The following CCSER1 variants were observed in gnomAD, a reference collection of about 807,000 sequenced individuals.
The protein encoded by CCSER1 is serine-rich coiled-coil domain-containing protein 1.
Under a neutral mutation model 82.0 loss-of-function variants are expected in CCSER1, and 41 were observed. The ratio of observed to expected loss-of-function variants is 0.50; its 90% CI spans 0.39 to 0.65. CCSER1 has a LOEUF of 0.65. Among genes scored for constraint, CCSER1 ranks in the 30% least tolerant of loss-of-function variants. The pLI, the probability that CCSER1 is intolerant of heterozygous loss-of-function variation, is 0.00. For synonymous variants in CCSER1, 414 were observed against 383.9 expected, an observed-to-expected ratio of 1.08 and a Z score of -0.92; for missense variants, 1,119 against 1,064.2, an observed-to-expected ratio of 1.05 and a Z score of -0.72.
At chr4:91,420,930 T>G (rs1753650082) in intron 10 of CCSER1, among the ~76,000 whole-genome samples, 1 of 152,168 alleles carries the variant, frequency 6.6e-6, no homozygotes, top group Admixed American at 6.5e-5. Flanking sequence ...TGGAGGGTAT[T>G]ATGCTAAGTG....
chr4:90,343,884 C>A (rs1302362040), intron 3 of CCSER1, among the ~76,000 whole-genome samples: 2 of 152,100 alleles, frequency 1.3e-5, no homozygotes, highest in East Asian at 3.9e-4. Context: ...CTTTGTGTTA[C>A]AAACCATCCA....
At chr4:90,164,238 C>T (rs1730019724) in intron 1 of CCSER1, among the ~76,000 whole-genome samples, 1 of 149,348 alleles carries the variant, frequency 6.7e-6, no homozygotes, top group South Asian at 2.1e-4. Flanking sequence ...ATAATAGCTA[C>T]AATTTCCTAC....
chr4:91,319,584 A>G (rs186726982), intron 10 of CCSER1: 1 of 445,176 alleles, frequency 2.2e-6, no homozygotes, highest in Non-Finnish European at 4.5e-6. Context: ...AATAAGTGTC[A>G]CAAAGAAGCA....
At chr4:90,276,806 C>T (rs1346297566) in intron 1 of CCSER1, among the ~76,000 whole-genome samples, 1 of 152,062 alleles carries the variant, frequency 6.6e-6, no homozygotes, top group Non-Finnish European at 1.5e-5. Flanking sequence ...GATATTTCAC[C>T]TCCTTGGTTA....
rs147805482 is a variant in CCSER1, at chr4:90,587,978, A to C, written c.1725-40047A>C. Among the ~76,000 whole-genome samples the C allele has an allele frequency of 1.8e-3, 279 of 152,356 alleles. 1 individual carries two copies. In the Middle Eastern group the frequency reaches 0.031, roughly 17 times the overall value. On this transcript the variant is annotated intron_variant, in intron 5 of 10. Coordinates refer to ENST00000509176, the MANE Select transcript of CCSER1 (RefSeq NM_001145065.2). The stretch of plus-strand genomic sequence containing the variant: ...TTCTTATAAAAGTTATGCTTATACT[A>C]TACCACAGTCTATTAAATGTGCGAT...
intron 8 of CCSER1, among the ~76,000 whole-genome samples, chr4:90,823,133 C>T (rs1158932005): frequency 3.9e-5 from 6 of 151,986 alleles, no homozygotes; most frequent in Non-Finnish European, 8.8e-5. Flanking sequence ...TAAAACATGT[C>T]GGTAATGAGA....
At chr4:91,355,890 T>C (rs1748795925) in intron 10 of CCSER1, among the ~76,000 whole-genome samples, 1 of 152,222 alleles carries the variant, frequency 6.6e-6, no homozygotes, top group African/African-American at 2.4e-5. Flanking sequence ...CTGGGCTCCC[T>C]GATACCAGGA....
chr4:91,467,957 A>T (rs1370162309), intron 10 of CCSER1, among the ~76,000 whole-genome samples: 3 of 152,192 alleles, frequency 2.0e-5, no homozygotes, highest in Non-Finnish European at 4.4e-5. Context: ...TTCCTCAGGG[A>T]TCTAGAACTA....
chr4:90,314,906 GTGCGATCTCGGTTCAC>G (rs1735915273), intron 3 of CCSER1, among the ~76,000 whole-genome samples: 1 of 133,858 alleles, frequency 7.5e-6, no homozygotes, highest in Non-Finnish European at 1.5e-5. Context: ...GAGTGCACTG[GTGCGATCTCGGTTCAC>G]TGCAACCTCT....
chr4:90,272,235 A>AT (rs1216019769), intron 1 of CCSER1, among the ~76,000 whole-genome samples: 30 of 152,050 alleles, frequency 2.0e-4, no homozygotes, highest in African/African-American at 7.0e-4. Flanking sequence ...TATTAATCTG[A>AT]TTTTTAAATG....
At chr4:91,553,803 A>G (rs1444503503) in intron 10 of CCSER1, among the ~76,000 whole-genome samples, 1 of 150,766 alleles carries the variant, frequency 6.6e-6, no homozygotes, top group Non-Finnish European at 1.5e-5. Context: ...TGATTTATAT[A>G]TCCACTCTTT....
At chr4:91,353,453 T>G (rs553030005) in intron 10 of CCSER1, among the ~76,000 whole-genome samples, 8 of 152,328 alleles carry the variant, frequency 5.3e-5, no homozygotes, top group African/African-American at 1.9e-4. Context: ...AACTACTGGG[T>G]TTAGGCCAGG....
At chr4:91,359,817 T>C (rs1749127024) in intron 10 of CCSER1, among the ~76,000 whole-genome samples, 1 of 151,826 alleles carries the variant, frequency 6.6e-6, no homozygotes, top group African/African-American at 2.4e-5. Flanking sequence ...GCAGTTGTCA[T>C]AGGAATACCA....
Position 91,145,858 on chromosome 4 carries a change from A to G in CCSER1, c.2217+59864A>G, listed in dbSNP as rs552518856. Among the ~76,000 whole-genome samples the G allele has an allele frequency of 1.1e-3, 165 of 152,100 alleles. 2 individuals carry two copies. Among genetic ancestry groups the G allele is most frequent in the African/African-American group, 3.7e-3 (154 of 41,496 alleles). On this transcript the variant is annotated intron_variant, in intron 10 of 10. Transcript: ENST00000509176. ...TATGTTTCCCTTTGAAAGTGATATG[A>G]CCCTTTTGTTTAGCTTCAATTAACA...
chr4:91,114,981 T>C (rs999356974), intron 10 of CCSER1, among the ~76,000 whole-genome samples: 2 of 152,180 alleles, frequency 1.3e-5, no homozygotes, highest in Non-Finnish European at 2.9e-5. Flanking sequence ...TGAGTTTTTA[T>C]TTTATGGGAA....
At chr4:91,141,399 G>T (rs559355081) in intron 10 of CCSER1, among the ~76,000 whole-genome samples, 1 of 152,048 alleles carries the variant, frequency 6.6e-6, no homozygotes, top group Non-Finnish European at 1.5e-5. Context: ...TGATCTGCCC[G>T]CCTTGGCCTC....
chr4:90,639,590 G>T (rs114076991), intron 6 of CCSER1, among the ~76,000 whole-genome samples: 2,779 of 152,076 alleles, frequency 0.018, 97 homozygotes, highest in African/African-American at 0.064. Context: ...TTGAAGTCTT[G>T]TCAATAGTAC....
intron 4 of CCSER1, among the ~76,000 whole-genome samples, chr4:90,435,166 A>G (rs2153569013): frequency 6.6e-6 from 1 of 152,338 alleles, no homozygotes; most frequent in East Asian, 1.9e-4. Context: ...AAAGACAAGG[A>G]AAATAATAAA....
intron 7 of CCSER1, among the ~76,000 whole-genome samples, chr4:90,804,391 A>G (rs931375129): frequency 1.5e-5 from 2 of 134,980 alleles, no homozygotes; most frequent in African/African-American, 2.9e-5. Flanking sequence ...ATTTTTGTAT[A>G]AGGTGTAAGG....
Sources: allele counts gnomAD v4.1 joint callset (sites outside exome capture counted in the v4.1 genomes callset), GRCh38; gene constraint gnomAD v4.1.1; transcripts MANE v1.5; gene names NCBI Gene and HGNC (gene_info 2026-07-23, HGNC 2026-07-21).